The following EMILIN2 variants were observed in gnomAD, a reference collection of about 807,000 sequenced individuals.
EMILIN2 encodes elastin microfibril interfacer 2.
Under a neutral mutation model 87.1 loss-of-function variants are expected in EMILIN2, and 71 were observed. The ratio of observed to expected loss-of-function variants is 0.82; its 90% CI spans 0.67 to 0.99. The LOEUF is 0.99. Among genes scored for constraint, EMILIN2 ranks in the 50% least tolerant of loss-of-function variants. EMILIN2 has a pLI of 0.00. For synonymous variants in EMILIN2, 581 were observed against 563.4 expected, an observed-to-expected ratio of 1.03 and a Z score of -0.44; for missense variants, 1,407 against 1,371.8, an observed-to-expected ratio of 1.03 and a Z score of -0.40.
chr18:2,874,644 A>G (rs908520221), intron 2 of EMILIN2, among the ~76,000 whole-genome samples: 35 of 152,178 alleles, frequency 2.3e-4, no homozygotes, highest in African/African-American at 8.2e-4. Flanking sequence ...TCAAAAACAT[A>G]GTAATACTGT....
At chr18:2,906,753 G>A (rs767466073) in intron 4 of EMILIN2, 30 bp from the exon 5 acceptor site, 4 of 1,264,998 alleles carry the variant, frequency 3.2e-6, no homozygotes, top group Middle Eastern at 3.1e-4. Flanking sequence ...TCCTAATCCC[G>A]TGTGTTTCTT....
At chr18:2,877,530 C>G (rs2076755538) in intron 2 of EMILIN2, among the ~76,000 whole-genome samples, 1 of 150,052 alleles carries the variant, frequency 6.7e-6, no homozygotes, top group African/African-American at 2.5e-5. Context: ...GTTATCCCAA[C>G]ACTTTGGGAG....
At chr18:2,899,049 A>C (rs1254722327) in intron 4 of EMILIN2, among the ~76,000 whole-genome samples, 5 of 151,000 alleles carry the variant, frequency 3.3e-5, no homozygotes, top group African/African-American at 1.2e-4. Flanking sequence ...GAGCTTTCCC[A>C]GAGCTGCATG....
At chr18:2,862,945 C>T (rs2076668320) in intron 2 of EMILIN2, among the ~76,000 whole-genome samples, 1 of 152,238 alleles carries the variant, frequency 6.6e-6, no homozygotes, top group Non-Finnish European at 1.5e-5. Context: ...CTGGTTTAGT[C>T]TTGGGAGGGC....
rs2076917240 is a variant in EMILIN2, at chr18:2,906,998, G to A, written c.2575G>A (p.Val859Met). Reference sequence around the variant, plus strand: ...GGCCGGGCCCCCCGCAGGCGCAGGCGTGTCTGGGCGGGGTCTGCCGCGGGG... The same window carrying A: ...GGCCGGGCCCCCCGCAGGCGCAGGCATGTCTGGGCGGGGTCTGCCGCGGGG... ...GQAGPPAGAG[V>M]SGRGLPRGVD... Residue 859 changes from valine (V) to methionine (M), a missense_variant, in exon 5 of 8, where the codon GTG (valine) becomes ATG (methionine). Physicochemically the swap from Val to Met is conservative, Grantham distance 21 (BLOSUM62 1). Coordinates refer to ENST00000254528, the MANE Select transcript of EMILIN2 (RefSeq NM_032048.3). The A allele has an allele frequency of 7.3e-7, 1 of 1,367,978 alleles. No individual in the cohort carries two copies. The highest frequency in any genetic ancestry group is 9.4e-7 in the Non-Finnish European group (1 of 1,059,866). The allele number at this position is 1,367,978 out of a possible 1,614,324, so 84.7% of individuals were successfully genotyped here.
chr18:2,858,213 T>G (rs1182087440), intron 2 of EMILIN2, among the ~76,000 whole-genome samples: 2 of 151,844 alleles, frequency 1.3e-5, no homozygotes, highest in African/African-American at 4.8e-5. Flanking sequence ...TTTGGTTACA[T>G]GAGTAAATTC....
At chr18:2,852,837 C>A (rs2076608314) in intron 2 of EMILIN2, among the ~76,000 whole-genome samples, 1 of 152,282 alleles carries the variant, frequency 6.6e-6, no homozygotes, top group South Asian at 2.1e-4. Context: ...TAATTCTTAA[C>A]ACCTATAAAG....
chr18:2,893,538 A>G (rs1240717102), intron 4 of EMILIN2, among the ~76,000 whole-genome samples: 1 of 152,214 alleles, frequency 6.6e-6, no homozygotes, highest in Admixed American at 6.5e-5. Context: ...ATGAATGAAT[A>G]ATATATGTAA....
intron 3 of EMILIN2, among the ~76,000 whole-genome samples, chr18:2,885,560 C>T (rs1389544360): frequency 1.3e-5 from 2 of 152,106 alleles, no homozygotes; most frequent in Non-Finnish European, 2.9e-5. Flanking sequence ...GCTCTGTCGC[C>T]CAGGCTGGAG....
chr18:2,847,706 C>A lies in EMILIN2; in HGVS notation c.135-103C>A. ...CCGCCTCCGCAGAGGGCGACGGGCC[C>A]CCCCGACCCTCGCTCGGTCTGGTGC... On this transcript the variant is annotated intron_variant, in intron 1 of 7. Transcript: ENST00000254528. This position sits in a 1 kb window ranked among gnomAD's most constrained non-coding sequence, Gnocchi z 4.5. The A allele has an allele frequency of 6.7e-7, 1 of 1,485,826 alleles. No homozygotes were observed. The highest frequency in any genetic ancestry group is 8.9e-7 in the Non-Finnish European group (1 of 1,121,848). 92.0% of individuals were successfully genotyped at this position (1,485,826 alleles called of 1,614,324 possible).
chr18:2,885,579 C>T (rs570132232), intron 3 of EMILIN2, among the ~76,000 whole-genome samples: 54 of 152,192 alleles, frequency 3.5e-4, no homozygotes, highest in Non-Finnish European at 6.5e-4. Context: ...AGTGCAGTGG[C>T]GCAATCTCGG....
At chr18:2,901,210 C>T (rs1331063216) in intron 4 of EMILIN2, among the ~76,000 whole-genome samples, 7 of 152,304 alleles carry the variant, frequency 4.6e-5, no homozygotes, top group Admixed American at 3.9e-4. Flanking sequence ...CTCCAACAGC[C>T]TCTTCTCTGT....
chr18:2,913,648 T>TTTAA lies in EMILIN2; in HGVS notation c.*244_*245insTTAA. On this transcript the variant is annotated 3_prime_UTR_variant, in exon 8 of 8. Transcript: ENST00000254528. ...ACTCTAACTGGACAACTGGAAGACTTGGAAAGGCCTCCACCTGTATCTACA... is the reference window on the plus strand; with the variant it reads ...ACTCTAACTGGACAACTGGAAGACTTTTAAGGAAAGGCCTCCACCTGTATCTACA... The TTTAA allele has an allele frequency of 2.1e-6, 1 of 479,942 alleles. No individual in the cohort carries two copies. The highest frequency in any genetic ancestry group is 2.7e-5 in the South Asian group (1 of 36,608). The allele number at this position is 479,942 out of a possible 1,614,324, so 29.7% of individuals were successfully genotyped here. A position where few individuals can be genotyped will look rare whatever the true frequency, so the allele number is the denominator to read the frequency against.
chr18:2,861,783 G>C (rs1486435049), intron 2 of EMILIN2, among the ~76,000 whole-genome samples: 1 of 152,170 alleles, frequency 6.6e-6, no homozygotes. Flanking sequence ...GTCATTGGTA[G>C]CTTGATGGGG....
At chr18:2,867,601 C>T (rs2076693183) in intron 2 of EMILIN2, among the ~76,000 whole-genome samples, 1 of 152,206 alleles carries the variant, frequency 6.6e-6, no homozygotes, top group Non-Finnish European at 1.5e-5. Context: ...GCACATCTTG[C>T]ACCGCCCTTA....
Position 2,848,958 on chromosome 18 carries a change from C to G in EMILIN2, c.257+1027C>G, listed in dbSNP as rs1192441433. 6.6e-6 allele frequency among the ~76,000 whole-genome samples: 1 copy of G among 152,176 alleles called. No homozygotes were observed. ...GGAAGTGGTCGCTGGGTCCACCCCA[C>G]GTGGGCTTCTGGAGGAGCTGCCAAC... is the stretch of plus-strand genomic sequence containing the variant. On this transcript the variant is annotated intron_variant, in intron 2 of 7. Transcript: ENST00000254528. This position sits in a 1 kb window ranked among gnomAD's most constrained non-coding sequence, Gnocchi z 4.1.
At position 2,906,994 on chromosome 18, in the gene EMILIN2, A is replaced by G; in HGVS notation, c.2571A>G (p.Ala857=). The part of the protein sequence containing the change: ...ETGQAGPPAG[A]GVSGRGLPRG... ...GCCAGGCCGGGCCCCCCGCAGGCGC[A>G]GGCGTGTCTGGGCGGGGTCTGCCGC... The change falls in exon 5 of 8, where the codon GCA becomes GCG. Residue 857 remains alanine, a synonymous_variant. Coordinates refer to ENST00000254528, the MANE Select transcript of EMILIN2 (RefSeq NM_032048.3). 7.3e-7 allele frequency: 1 copy of G among 1,372,744 alleles called. No homozygotes were observed. The highest frequency in any genetic ancestry group is 1.5e-5 in the African/African-American group (1 of 66,428). 85.0% of individuals were successfully genotyped at this position (1,372,744 alleles called of 1,614,324 possible).
At chr18:2,911,322 A>ATGTGCCCACGTGAGGTGTTCTTCC (rs1441505463) in intron 7 of EMILIN2, among the ~76,000 whole-genome samples, 7 of 152,310 alleles carry the variant, frequency 4.6e-5, no homozygotes, top group Admixed American at 2.6e-4. Context: ...GGAGTTGTGC[A>ATGTGCCCACGTGAGGTGTTCTTCC]TGTGCCCACG....
At chr18:2,889,360 A>T (rs1049632012) in intron 3 of EMILIN2, among the ~76,000 whole-genome samples, 2 of 150,418 alleles carry the variant, frequency 1.3e-5, no homozygotes, top group Middle Eastern at 3.2e-3. Flanking sequence ...CTGGTCTTGA[A>T]CTCCTATCCT....
Sources: gnomAD v4.1 joint callset for allele counts (sites outside exome capture counted in the v4.1 genomes callset) on GRCh38, gnomAD v4.1.1 for gene constraint, Gnocchi (gnomAD v3.1) non-coding constraint, MANE v1.5 for transcripts, NCBI Gene and HGNC (gene_info 2026-07-23, HGNC 2026-07-21) for gene names.